DKK2: variants seen among roughly 807,000 people sequenced by gnomAD.
DKK2 encodes dickkopf Wnt signaling pathway inhibitor 2.
A neutral mutation model predicts 28.1 loss-of-function variants in DKK2; 11 were observed. The observed-to-expected ratio is 0.39, with a 90% CI of 0.25 to 0.65. DKK2 has a LOEUF of 0.65. DKK2 is among the 30% of genes least tolerant of loss of function. The pLI is 0.47. For synonymous variants in DKK2, 135 were observed against 126.5 expected (o/e 1.07, Z -0.45); for missense variants, 326 against 335.5 (o/e 0.97, Z 0.22).
At chr4:106,978,779 C>T (rs1447589931) in intron 1 of DKK2, among the ~76,000 whole-genome samples, 1 of 150,446 alleles carries the variant, frequency 6.6e-6, no homozygotes. Context: ...CCGGGTGCCA[C>T]TGGGGTATGA....
At position 106,924,341 on chromosome 4, in the gene DKK2, TTG is replaced by T. The variant is rs1724394287; in HGVS notation, c.530-139_530-138del. 9.9e-6 allele frequency: 13 copies of T among 1,312,874 alleles called. No homozygotes were observed. The South Asian group carries it at 1.1e-4, about 11-fold the overall frequency. The allele number at this position is 1,312,874 out of a possible 1,614,324, so 81.3% of individuals were successfully genotyped here. On this transcript the variant is annotated intron_variant, in intron 3 of 3. Transcript: ENST00000285311. ...TACCATTTATAATGAAAAGTCTTGG[TTG>T]ATACCAATTGGCTCTGCCTCTTATC...
At chr4:106,940,377 G>A (rs62314186) in intron 1 of DKK2, among the ~76,000 whole-genome samples, 49 of 151,866 alleles carry the variant, frequency 3.2e-4, no homozygotes, top group South Asian at 1.9e-3. Context: ...ATCACTGGCC[G>A]TCAGAGAAAT....
intron 1 of DKK2, among the ~76,000 whole-genome samples, chr4:107,007,016 A>G (rs1723447537): frequency 6.6e-6 from 1 of 152,038 alleles, no homozygotes. Context: ...TTTAGATGTC[A>G]TAAATAGAAG....
intron 1 of DKK2, among the ~76,000 whole-genome samples, chr4:106,983,321 A>G (rs984646501): frequency 9.6e-5 from 11 of 114,024 alleles, no homozygotes; most frequent in East Asian, 4.8e-4. Context: ...AAGAAAGAAG[A>G]AAGAAAGGAA....
chr4:106,953,991 C>T (rs1024496624), intron 1 of DKK2, among the ~76,000 whole-genome samples: 6 of 152,176 alleles, frequency 3.9e-5, no homozygotes, highest in Non-Finnish European at 8.8e-5. Flanking sequence ...GGACAACCCT[C>T]AGTTTCCCAC....
chr4:107,001,219 C>A (rs1723355268), intron 1 of DKK2, among the ~76,000 whole-genome samples: 1 of 152,166 alleles, frequency 6.6e-6, no homozygotes, highest in Admixed American at 6.5e-5. Context: ...GAATTGCTCA[C>A]AACCATCAGA....
At chr4:106,927,582 G>T (rs1313424552) in intron 1 of DKK2, among the ~76,000 whole-genome samples, 1 of 152,066 alleles carries the variant, frequency 6.6e-6, no homozygotes, top group Non-Finnish European at 1.5e-5. Flanking sequence ...GCATTTCATT[G>T]TTCCACTCTG....
chr4:106,959,620 A>G (rs1234556326), intron 1 of DKK2, among the ~76,000 whole-genome samples: 1 of 152,178 alleles, frequency 6.6e-6, no homozygotes, highest in East Asian at 1.9e-4. Context: ...TGGAAATTTC[A>G]AAGCTTTAAC....
At position 106,924,542 on chromosome 4, in the gene DKK2, T is replaced by C. The variant is rs1262378256; in HGVS notation, c.529+3A>G. On this transcript the variant is annotated splice_donor_region_variant and intron_variant, in intron 3 of 3. Transcript: ENST00000285311. The stretch of plus-strand genomic sequence containing the variant: ...AAAACCCCAGAACTACAGATATCCC[T>C]ACCTTTTATATGTGACATCTTAGTG... 1 of 1,613,110 alleles carries C rather than the reference T, an allele frequency of 6.2e-7. No individual in the cohort carries two copies. Among genetic ancestry groups the C allele is most frequent in the South Asian group, 1.1e-5 (1 of 90,950 alleles).
At chr4:106,972,213 TC>T (rs1722878357) in intron 1 of DKK2, among the ~76,000 whole-genome samples, 1 of 151,956 alleles carries the variant, frequency 6.6e-6, no homozygotes, top group South Asian at 2.1e-4. Flanking sequence ...CCACTTCTCC[TC>T]CCCACCCACA....
At chr4:106,946,153 A>G (rs1234481224) in intron 1 of DKK2, among the ~76,000 whole-genome samples, 1 of 152,132 alleles carries the variant, frequency 6.6e-6, no homozygotes, top group African/African-American at 2.4e-5. Context: ...CTTTATTACA[A>G]ATTTTAATTG....
chr4:106,956,852 C>A (rs1722601225), intron 1 of DKK2, among the ~76,000 whole-genome samples: 1 of 150,994 alleles, frequency 6.6e-6, no homozygotes, highest in South Asian at 2.1e-4. Context: ...GCAAGGACTT[C>A]ATGTCTAAAA....
intron 1 of DKK2, among the ~76,000 whole-genome samples, chr4:106,965,229 C>G (rs1722754006): frequency 6.6e-6 from 1 of 152,058 alleles, no homozygotes; most frequent in Non-Finnish European, 1.5e-5. Context: ...TTCAAAGATA[C>G]AAAATTGAAA....
At chr4:106,993,426 T>C (rs2110362421) in intron 1 of DKK2, among the ~76,000 whole-genome samples, 1 of 152,328 alleles carries the variant, frequency 6.6e-6, no homozygotes, top group South Asian at 2.1e-4. Flanking sequence ...ATCAGCTAAC[T>C]TTATCCATGA....
intron 1 of DKK2, among the ~76,000 whole-genome samples, chr4:107,014,936 C>T (rs949713797): frequency 7.9e-5 from 12 of 151,484 alleles, no homozygotes; most frequent in African/African-American, 2.4e-4. Context: ...ATGTTAACTC[C>T]CTGGTGTTAA....
chr4:107,018,629 C>A (rs533984407), intron 1 of DKK2, among the ~76,000 whole-genome samples: 29 of 152,018 alleles, frequency 1.9e-4, no homozygotes, highest in African/African-American at 7.0e-4. Flanking sequence ...GTGCACATTC[C>A]AAAAATGCTC....
rs1179859094 is a variant in DKK2, at chr4:106,975,390, T to G, written c.223-49441A>C. Reference sequence around the variant, plus strand: ...CTGATCCTGGGATTTTTTTGGTTGCTAGGCTATTAAATACTGCCTCAATTT... The same window carrying G: ...CTGATCCTGGGATTTTTTTGGTTGCGAGGCTATTAAATACTGCCTCAATTT... On this transcript the variant is annotated intron_variant, in intron 1 of 3. Transcript: ENST00000285311. Among the ~76,000 whole-genome samples the G allele has an allele frequency of 5.3e-5, 8 of 152,198 alleles. No individual in the cohort carries two copies. The East Asian group carries it at 1.5e-3, about 29-fold the overall frequency.
chr4:106,968,072 G>T (rs539187829), intron 1 of DKK2, among the ~76,000 whole-genome samples: 1 of 149,742 alleles, frequency 6.7e-6, no homozygotes, highest in Non-Finnish European at 1.5e-5. Flanking sequence ...GAAAGGGGGA[G>T]AGAAAGGAAG....
chr4:106,999,737 C>A (rs561870027), intron 1 of DKK2, among the ~76,000 whole-genome samples: 32 of 151,964 alleles, frequency 2.1e-4, no homozygotes, highest in African/African-American at 7.7e-4. Flanking sequence ...AAGGATATGA[C>A]TACATAACAA....
Sources: allele counts gnomAD v4.1 joint callset (sites outside exome capture counted in the v4.1 genomes callset), GRCh38; gene constraint gnomAD v4.1.1; transcripts MANE v1.5; gene names NCBI Gene and HGNC (gene_info 2026-07-23, HGNC 2026-07-21).